Variants in YAP1 observed in about 807,000 individuals in gnomAD.
YAP1 encodes the protein Yes1 associated transcriptional regulator.
In YAP1, 5 loss-of-function variants were observed where a neutral mutation model predicts 56.9. That is an observed-to-expected ratio of 0.09 (90% confidence interval 0.05 to 0.18). The LOEUF is 0.18. Ranked by LOEUF, YAP1 falls within the 10% of genes least tolerant of loss-of-function variation. The probability of loss-of-function intolerance (pLI) is 1.00; values close to 1 mark genes in which losing one functional copy is unlikely to be tolerated. For synonymous variants in YAP1, 265 were observed against 248.1 expected, an observed-to-expected ratio of 1.07 and a Z score of -0.64; for missense variants, 539 against 651.8, an observed-to-expected ratio of 0.83 and a Z score of 1.88.
rs551351924 is a variant in YAP1, at chr11:102,224,538, A to C, written c.1163+786A>C. 1.8e-3 allele frequency among the ~76,000 whole-genome samples: 269 copies of C among 152,338 alleles called. 1 individual carries two copies. The highest frequency in any genetic ancestry group is 6.2e-3 in the African/African-American group (258 of 41,572). On this transcript the variant is annotated intron_variant, in intron 7 of 8. Transcript: ENST00000282441. ...AAATAACACACTTTCTTAAATACTC[A>C]AAGGTATTTTGCACTAGGAAAACTA... is the stretch of plus-strand genomic sequence containing the variant.
chr11:102,191,988 G>T (rs940519828), intron 4 of YAP1, among the ~76,000 whole-genome samples: 3 of 152,064 alleles, frequency 2.0e-5, no homozygotes, highest in Non-Finnish European at 4.4e-5. Context: ...TTCTAATTAC[G>T]TAAGAGAATT....
intron 4 of YAP1, among the ~76,000 whole-genome samples, chr11:102,197,446 T>C (rs1948628756): frequency 6.6e-6 from 1 of 152,220 alleles, no homozygotes; most frequent in South Asian, 2.1e-4. Context: ...ATCATGTAAA[T>C]TTTTAGACAA....
intron 8 of YAP1, among the ~76,000 whole-genome samples, chr11:102,228,192 T>C (rs1591481781): frequency 1.3e-5 from 2 of 152,322 alleles, no homozygotes; most frequent in South Asian, 4.1e-4. Context: ...CCTTATAGAT[T>C]AGTGTCCTTA....
intron 3 of YAP1, among the ~76,000 whole-genome samples, chr11:102,181,173 C>T (rs965380281): frequency 1.0e-4 from 15 of 150,540 alleles, no homozygotes; most frequent in African/African-American, 2.7e-4. Flanking sequence ...AGGCCAGGCT[C>T]GGTGGCTCAC....
intron 3 of YAP1, among the ~76,000 whole-genome samples, chr11:102,164,646 C>G (rs1946491483): frequency 6.6e-6 from 1 of 152,140 alleles, no homozygotes; most frequent in Non-Finnish European, 1.5e-5. Context: ...TGGTGATGGT[C>G]TAGAGAAATG....
At position 102,114,344 on chromosome 11, in the gene YAP1, A is replaced by G. The variant is rs370593753; in HGVS notation, c.522A>G (p.Pro174=). 5 of 1,614,182 alleles carry G rather than the reference A, an allele frequency of 3.1e-6. No homozygotes were observed. Among genetic ancestry groups the G allele is most frequent in the Admixed American group, 1.7e-5 (1 of 60,024 alleles). The change falls in exon 2 of 9, where the codon CCA becomes CCG. Residue 174 remains proline (P), a synonymous_variant. Coordinates refer to ENST00000282441, the MANE Select transcript of YAP1 (RefSeq NM_001130145.3). ...SFEIPDDVPL[P]AGWEMAKTSS... is the part of the protein sequence containing the mutation. The stretch of plus-strand genomic sequence containing the variant: ...AGATACCTGATGATGTACCTCTGCC[A>G]GCAGGTTGGGAGATGGCAAAGACAT...
intron 2 of YAP1, among the ~76,000 whole-genome samples, chr11:102,128,704 C>T (rs1944187061): frequency 1.3e-5 from 2 of 152,268 alleles, no homozygotes; most frequent in South Asian, 4.2e-4. Flanking sequence ...GAGTGGTTAG[C>T]ATTGAATGGA....
chr11:102,208,086 T>G (rs1158939016), intron 5 of YAP1, among the ~76,000 whole-genome samples: 2 of 152,182 alleles, frequency 1.3e-5, no homozygotes, highest in African/African-American at 4.8e-5. Flanking sequence ...GACTAAAAAT[T>G]AAATATCACA....
chr11:102,167,577 T>A (rs973116190), intron 3 of YAP1, among the ~76,000 whole-genome samples: 2 of 151,850 alleles, frequency 1.3e-5, no homozygotes, highest in African/African-American at 4.8e-5. Flanking sequence ...CACTAAAGAT[T>A]TAAAAATTAG....
intron 2 of YAP1, among the ~76,000 whole-genome samples, chr11:102,114,937 A>G (rs1004565037): frequency 1.3e-5 from 2 of 152,168 alleles, no homozygotes; most frequent in African/African-American, 4.8e-5. Flanking sequence ...CCCCCCAAAA[A>G]TGTAAAGGGA....
intron 4 of YAP1, among the ~76,000 whole-genome samples, chr11:102,199,522 G>A (rs578119355): frequency 1.1e-4 from 17 of 152,176 alleles, no homozygotes; most frequent in South Asian, 4.2e-4. Flanking sequence ...ATAAGTCTTC[G>A]TGAGTTAATA....
intron 3 of YAP1, among the ~76,000 whole-genome samples, chr11:102,164,720 T>G (rs1002840937): frequency 1.3e-5 from 2 of 150,040 alleles, no homozygotes; most frequent in African/African-American, 5.1e-5. Flanking sequence ...TTTTAGTGGG[T>G]TTTTTTGTTT....
At chr11:102,160,152 TA>T (rs1302413381) in intron 2 of YAP1, among the ~76,000 whole-genome samples, 2 of 150,878 alleles carry the variant, frequency 1.3e-5, no homozygotes, top group Admixed American at 1.3e-4. Flanking sequence ...GCCTCCCGAG[TA>T]GCTGGGATTA....
intron 2 of YAP1, among the ~76,000 whole-genome samples, chr11:102,115,056 G>A (rs1943195278): frequency 6.6e-6 from 1 of 152,118 alleles, no homozygotes; most frequent in Admixed American, 6.5e-5. Context: ...AAACATGACC[G>A]TTGGGTTGTT....
chr11:102,173,587 C>T (rs1352344810), intron 3 of YAP1, among the ~76,000 whole-genome samples: 3 of 152,090 alleles, frequency 2.0e-5, no homozygotes, highest in Admixed American at 6.5e-5. Flanking sequence ...GTGTCAAACA[C>T]GTGTTTTAAT....
intron 3 of YAP1, among the ~76,000 whole-genome samples, chr11:102,168,856 A>T (rs988050407): frequency 6.6e-6 from 1 of 152,230 alleles, no homozygotes; most frequent in African/African-American, 2.4e-5. Flanking sequence ...TATAAAAATG[A>T]TGGGTAAATT....
At chr11:102,118,256 C>G (rs962867817) in intron 2 of YAP1, among the ~76,000 whole-genome samples, 2 of 152,088 alleles carry the variant, frequency 1.3e-5, no homozygotes, top group Non-Finnish European at 2.9e-5. Context: ...TAACTGGCCA[C>G]AATGTTTTTA....
chr11:102,218,376 A>G lies in YAP1; in HGVS notation c.1033-5246A>G, dbSNP rs370248531. On this transcript the variant is annotated intron_variant, in intron 6 of 8. Transcript: ENST00000282441. ...TTACTTATAATACAATGGAAATGCT[A>G]TGTAAAGAGCTGTTACACTGTTATA... is the stretch of plus-strand genomic sequence containing the variant. Among the ~76,000 whole-genome samples, 4 of 152,338 alleles carry G rather than the reference A, an allele frequency of 2.6e-5. No individual in the cohort carries two copies. The South Asian group carries it at 6.2e-4, about 24-fold the overall frequency.
At chr11:102,200,449 T>C (rs1193192271) in intron 4 of YAP1, among the ~76,000 whole-genome samples, 1 of 151,174 alleles carries the variant, frequency 6.6e-6, no homozygotes, top group African/African-American at 2.5e-5. Context: ...ATAAGCTTTT[T>C]TTTTTTTTTT....
Sources: allele counts gnomAD v4.1 joint callset (sites outside exome capture counted in the v4.1 genomes callset), GRCh38; gene constraint gnomAD v4.1.1; transcripts MANE v1.5; gene names NCBI Gene and HGNC (gene_info 2026-07-23, HGNC 2026-07-21).